GTF2H4: variants seen among roughly 807,000 people sequenced by gnomAD.
The protein encoded by GTF2H4 is general transcription factor IIH subunit 4, also known as BTF2 p52.
A neutral mutation model predicts 62.2 loss-of-function variants in GTF2H4; 49 were observed. The observed-to-expected ratio is 0.79, with a 90% CI of 0.63 to 1.00. GTF2H4 has a LOEUF of 1.00. Ranked by LOEUF, GTF2H4 falls within the 50% of genes least tolerant of loss-of-function variation. GTF2H4 has a pLI of 0.00. For missense variants in GTF2H4, 479 were observed against 587.8 expected (o/e 0.81, Z 1.91); for synonymous variants, 189 against 233.8 (o/e 0.81, Z 1.75).
In GTF2H4 at chr6:30,911,507, G is replaced by A; in HGVS notation, c.741+8G>A. On this transcript the variant is annotated splice_region_variant and intron_variant, in intron 8 of 13. Transcript: ENST00000259895. The surrounding 1 kb of genome is among the most constrained non-coding windows in gnomAD (Gnocchi z 4.3). ...TTCTCTACTCTGGGCAAGGTAAGCA[G>A]GGGGCTGAAAGGTATAGAGATGGGA... 1 of 1,612,640 alleles carries A rather than the reference G, an allele frequency of 6.2e-7. No individual in the cohort carries two copies. The highest frequency in any genetic ancestry group is 8.5e-7 in the Non-Finnish European group (1 of 1,178,594).
Position 30,910,888 on chromosome 6 carries a change from A to G in GTF2H4, c.507A>G (p.Ala169=). Residue 169 remains alanine (A), a synonymous_variant, in exon 6 of 14, where the codon GCA becomes GCG. Coordinates refer to ENST00000259895, the MANE Select transcript of GTF2H4 (RefSeq NM_001517.5). The surrounding 1 kb of genome is among the most constrained non-coding windows in gnomAD (Gnocchi z 4.7). Reference sequence around the variant, plus strand: ...ACTTCATGGTGGGCTCCCCCAGTGCAGCTGTCAGCCAGGACTTGGCTCAGC... The same window carrying G: ...ACTTCATGGTGGGCTCCCCCAGTGCGGCTGTCAGCCAGGACTTGGCTCAGC... ...VLHFMVGSPS[A]AVSQDLAQLL... is the part of the protein sequence containing the mutation. 3 of 1,612,298 alleles carry G rather than the reference A, an allele frequency of 1.9e-6. No homozygotes were observed. Among genetic ancestry groups the G allele is most frequent in the South Asian group, 1.1e-5 (1 of 90,936 alleles).
chr6:30,911,809 G>A lies in GTF2H4; in HGVS notation c.825+42G>A, dbSNP rs1324862911. ...AAGTGGCTTCCAGGGAAGAAACAGG[G>A]TGGTGTGTTGCCTTTGCCTTTAAAA... is the stretch of plus-strand genomic sequence containing the variant. On this transcript the variant is annotated intron_variant, in intron 9 of 13. Coordinates refer to ENST00000259895, the MANE Select transcript of GTF2H4 (RefSeq NM_001517.5). This position sits in a 1 kb window ranked among gnomAD's most constrained non-coding sequence, Gnocchi z 4.3. 6.4e-7 allele frequency: 1 copy of A among 1,552,116 alleles called. No individual in the cohort carries two copies. Among genetic ancestry groups the A allele is most frequent in the South Asian group, 1.1e-5 (1 of 89,808 alleles).
Position 30,909,320 on chromosome 6 carries a change from C to A in GTF2H4, c.138-115C>A. The A allele has an allele frequency of 8.2e-7, 1 of 1,220,914 alleles. No homozygotes were observed. Among genetic ancestry groups the A allele is most frequent in the Non-Finnish European group, 1.2e-6 (1 of 862,012 alleles). The allele number at this position is 1,220,914 out of a possible 1,614,324, so 75.6% of individuals were successfully genotyped here. On this transcript the variant is annotated intron_variant, in intron 2 of 13. Coordinates refer to ENST00000259895, the MANE Select transcript of GTF2H4 (RefSeq NM_001517.5). This position sits in a 1 kb window ranked among gnomAD's most constrained non-coding sequence, Gnocchi z 4.3. ...CTCTAAAGTGTGGAGGCCAAAACAG[C>A]AGGACTGGTAAAGTTGTGCTGGAGT...
Position 30,911,942 on chromosome 6 carries a change from C to A in GTF2H4, c.826-72C>A. ...TGAGGTTCTGCATCTTGGGAGGGAT[C>A]TGATATTTCAGGCAGGAAGATGTAA... is the stretch of plus-strand genomic sequence containing the variant. On this transcript the variant is annotated intron_variant, in intron 9 of 13. Coordinates refer to ENST00000259895, the MANE Select transcript of GTF2H4 (RefSeq NM_001517.5). This position sits in a 1 kb window ranked among gnomAD's most constrained non-coding sequence, Gnocchi z 4.3. 1 of 1,566,080 alleles carries A rather than the reference C, an allele frequency of 6.4e-7. No individual in the cohort carries two copies. Among genetic ancestry groups the A allele is most frequent in the Non-Finnish European group, 8.7e-7 (1 of 1,148,026 alleles).
At position 30,910,989 on chromosome 6, in the gene GTF2H4, G is replaced by A. The variant is rs1481809257; in HGVS notation, c.560+48G>A. The A allele has an allele frequency of 6.7e-7, 1 of 1,490,500 alleles. No individual in the cohort carries two copies. The highest frequency in any genetic ancestry group is 9.2e-7 in the Non-Finnish European group (1 of 1,084,608). The allele number at this position is 1,490,500 out of a possible 1,614,324, so 92.3% of individuals were successfully genotyped here. On this transcript the variant is annotated intron_variant, in intron 6 of 13. Transcript: ENST00000259895. This position sits in a 1 kb window ranked among gnomAD's most constrained non-coding sequence, Gnocchi z 4.7. ...AGCTCTCTGCTGTGCCATCTCCTTGGGTCCCTAAGAAATGGTATCTGGGGC... is the reference window on the plus strand; with the variant it reads ...AGCTCTCTGCTGTGCCATCTCCTTGAGTCCCTAAGAAATGGTATCTGGGGC...
In GTF2H4 at chr6:30,914,022, T is replaced by TTGG; in HGVS notation, c.*39_*40insTGG. On this transcript the variant is annotated 3_prime_UTR_variant, in exon 14 of 14. Coordinates refer to ENST00000259895, the MANE Select transcript of GTF2H4 (RefSeq NM_001517.5). ...GGACACGGACCTCGGCGGGCGGGACTGGGCGGGGCGGGGCATCAGAACTCA... is the reference window on the plus strand; with the variant it reads ...GGACACGGACCTCGGCGGGCGGGACTTGGGGGCGGGGCGGGGCATCAGAACTCA... 1 of 698,682 alleles carries TTGG rather than the reference T, an allele frequency of 1.4e-6. No individual in the cohort carries two copies. Among genetic ancestry groups the TTGG allele is most frequent in the Non-Finnish European group, 2.4e-6 (1 of 411,942 alleles). 43.3% of individuals were successfully genotyped at this position (698,682 alleles called of 1,614,324 possible). A position where few individuals can be genotyped will look rare whatever the true frequency, so the allele number is the denominator to read the frequency against.
chr6:30,913,403 T>G lies in GTF2H4; in HGVS notation c.1216+16T>G. The G allele has an allele frequency of 6.8e-6, 11 of 1,611,438 alleles. No individual in the cohort carries two copies. Among genetic ancestry groups the G allele is most frequent in the Non-Finnish European group, 6.8e-6 (8 of 1,179,432 alleles). On this transcript the variant is annotated intron_variant, in intron 13 of 13. Coordinates refer to ENST00000259895, the MANE Select transcript of GTF2H4 (RefSeq NM_001517.5). The surrounding 1 kb of genome is among the most constrained non-coding windows in gnomAD (Gnocchi z 4.2). ...TTCACTGAGGGTGAGTAGCTTCTGG[T>G]GGCCAAGTCTTGGTCATTGGCCAGA...
At position 30,913,040 on chromosome 6, in the gene GTF2H4, A is replaced by T. The variant is rs1793861062; in HGVS notation, c.1090-70A>T. ...AATAAGCTGATGTTCCAGTGACATT[A>T]GGTGACAGCTCAGATGGCTTTCCTG... On this transcript the variant is annotated intron_variant, in intron 11 of 13. Transcript: ENST00000259895. The surrounding 1 kb of genome is among the most constrained non-coding windows in gnomAD (Gnocchi z 4.2). 2.8e-6 allele frequency: 4 copies of T among 1,448,322 alleles called. No individual in the cohort carries two copies. Among genetic ancestry groups the T allele is most frequent in the Admixed American group, 3.4e-5 (2 of 58,622 alleles). 89.7% of individuals were successfully genotyped at this position (1,448,322 alleles called of 1,614,324 possible). A position where few individuals can be genotyped will look rare whatever the true frequency, so the allele number is the denominator to read the frequency against.
chr6:30,912,417 A>C lies in GTF2H4; in HGVS notation c.1048A>C (p.Ser350Arg). ...GGTGGTGGCGCAGGTGACCCGGGAGAGTGTGCAGCAGGCAATCGCCAGTGG... is the reference window on the plus strand; with the variant it reads ...GGTGGTGGCGCAGGTGACCCGGGAGCGTGTGCAGCAGGCAATCGCCAGTGG... Reference protein sequence around the residue: ...NMVVAQVTRESVQQAIASGIT... With the variant: ...NMVVAQVTRERVQQAIASGIT... The change falls in exon 11 of 14, where the codon AGT becomes CGT. Residue 350 changes from serine to arginine, a missense_variant. Coordinates refer to ENST00000259895, the MANE Select transcript of GTF2H4 (RefSeq NM_001517.5). This position sits in a 1 kb window ranked among gnomAD's most constrained non-coding sequence, Gnocchi z 4.8. 1.2e-6 allele frequency: 2 copies of C among 1,612,764 alleles called. No individual in the cohort carries two copies. The highest frequency in any genetic ancestry group is 1.7e-6 in the Non-Finnish European group (2 of 1,180,012).
In GTF2H4 at chr6:30,913,162, A is replaced by G; in HGVS notation, c.1137+5A>G. ...CACCCAGTGATGCTCAAACAGGTAT[A>G]GACAGGCTCCAAGATGTCAGAGGCT... On this transcript the variant is annotated splice_donor_5th_base_variant and intron_variant, in intron 12 of 13. Coordinates refer to ENST00000259895, the MANE Select transcript of GTF2H4 (RefSeq NM_001517.5). This position sits in a 1 kb window ranked among gnomAD's most constrained non-coding sequence, Gnocchi z 4.2. 1.2e-6 allele frequency: 2 copies of G among 1,614,150 alleles called. No homozygotes were observed. Among genetic ancestry groups the G allele is most frequent in the Non-Finnish European group, 1.7e-6 (2 of 1,179,978 alleles).
Position 30,910,707 on chromosome 6 carries a change from C to G in GTF2H4, c.417C>G (p.Asp139Glu), listed in dbSNP as rs375416304. The change falls in exon 5 of 14, where the codon GAC becomes GAG. Residue 139 changes from aspartate to glutamate, a missense_variant. Transcript: ENST00000259895. The surrounding 1 kb of genome is among the most constrained non-coding windows in gnomAD (Gnocchi z 4.7). ...ATGACACAAGTCAGCTGGGACCAGA[C>G]AAGCATGCCCGGGACGTTCCCTCCC... is the stretch of plus-strand genomic sequence containing the variant. ...WSDDTSQLGP[D>E]KHARDVPSLD... 3 of 1,613,026 alleles carry G rather than the reference C, an allele frequency of 1.9e-6. No individual in the cohort carries two copies. The highest frequency in any genetic ancestry group is 2.5e-6 in the Non-Finnish European group (3 of 1,180,020).
chr6:30,913,190 C>T lies in GTF2H4; in HGVS notation c.1137+33C>T. 1.2e-6 allele frequency: 2 copies of T among 1,613,812 alleles called. No individual in the cohort carries two copies. Among genetic ancestry groups the T allele is most frequent in the Non-Finnish European group, 1.7e-6 (2 of 1,179,802 alleles). Reference sequence around the variant, plus strand: ...CAGGCTCCAAGATGTCAGAGGCTGGCAGCTGGTGATGACATGATGGAAAAG... The same window carrying T: ...CAGGCTCCAAGATGTCAGAGGCTGGTAGCTGGTGATGACATGATGGAAAAG... On this transcript the variant is annotated intron_variant, in intron 12 of 13. Coordinates refer to ENST00000259895, the MANE Select transcript of GTF2H4 (RefSeq NM_001517.5). This position sits in a 1 kb window ranked among gnomAD's most constrained non-coding sequence, Gnocchi z 4.2.
chr6:30,910,944 G>A lies in GTF2H4; in HGVS notation c.560+3G>A. The A allele has an allele frequency of 6.3e-7, 1 of 1,597,156 alleles. No homozygotes were observed. Among genetic ancestry groups the A allele is most frequent in the Non-Finnish European group, 8.5e-7 (1 of 1,171,338 alleles). Reference sequence around the variant, plus strand: ...AGCCAGGCTGGGCTCATGAAGAGGTGAGGAAGCCGGAGGTACAGCAGCTCT... The same window carrying A: ...AGCCAGGCTGGGCTCATGAAGAGGTAAGGAAGCCGGAGGTACAGCAGCTCT... On this transcript the variant is annotated splice_donor_region_variant and intron_variant, in intron 6 of 13. Coordinates refer to ENST00000259895, the MANE Select transcript of GTF2H4 (RefSeq NM_001517.5). The surrounding 1 kb of genome is among the most constrained non-coding windows in gnomAD (Gnocchi z 4.7).
In GTF2H4 at chr6:30,913,280, T is replaced by G; in HGVS notation, c.1138-29T>G. On this transcript the variant is annotated intron_variant, in intron 12 of 13. Coordinates refer to ENST00000259895, the MANE Select transcript of GTF2H4 (RefSeq NM_001517.5). The surrounding 1 kb of genome is among the most constrained non-coding windows in gnomAD (Gnocchi z 4.2). The stretch of plus-strand genomic sequence containing the variant: ...GGGTTGTCTGGGGCAGTATTCTGAG[T>G]CCCTACAGTCAACCCTTGCTCCTTG... The G allele has an allele frequency of 8.1e-6, 13 of 1,613,552 alleles. No homozygotes were observed. Among genetic ancestry groups the G allele is most frequent in the Non-Finnish European group, 1.1e-5 (13 of 1,179,712 alleles).
Position 30,909,963 on chromosome 6 carries a change from G to A in GTF2H4, c.274G>A (p.Gly92Ser), listed in dbSNP as rs774016030. The change falls in exon 4 of 14, where the codon GGC (glycine) becomes AGC (serine). Residue 92 changes from glycine to serine, a missense_variant. By Grantham distance (56) the Gly-to-Ser change is moderately conservative. Transcript: ENST00000259895. The surrounding 1 kb of genome is among the most constrained non-coding windows in gnomAD (Gnocchi z 4.3). ...GGAGGAAAGTACAGGGCTGCTGAGC[G>A]GCCTCCGGATCTGGCACACACAGCT... is the stretch of plus-strand genomic sequence containing the variant. ...AQEESTGLLS[G>S]LRIWHTQLLP... 45 of 1,612,944 alleles carry A rather than the reference G, an allele frequency of 2.8e-5. No individual in the cohort carries two copies. In the South Asian group the frequency reaches 3.4e-4, roughly 12 times the overall value.
chr6:30,909,460 TG>T lies in GTF2H4; in HGVS notation c.166del (p.Val56Ter). 1 of 1,612,642 alleles carries T rather than the reference TG, an allele frequency of 6.2e-7. No homozygotes were observed. The highest frequency in any genetic ancestry group is 8.5e-7 in the Non-Finnish European group (1 of 1,179,674). On this transcript the variant is annotated frameshift_variant, in exon 3 of 14. Coordinates refer to ENST00000259895, the MANE Select transcript of GTF2H4 (RefSeq NM_001517.5). LOFTEE classifies it high-confidence loss of function. This position sits in a 1 kb window ranked among gnomAD's most constrained non-coding sequence, Gnocchi z 4.3. ...FRELPSLAKN[W>X]VMRMLFLEQP... The stretch of plus-strand genomic sequence containing the variant: ...GGAGCTCCCATCCTTGGCTAAGAAC[TG>T]GGTGATGCGGATGCTCTTTCTGGAG...
At position 30,909,398 on chromosome 6, in the gene GTF2H4, C is replaced by T. The variant is rs780514850; in HGVS notation, c.138-37C>T. ...GGGCAGAGATGCAGATACAATGCAGCTTCTGATACTAACCTTTGACCTCTG... is the reference window on the plus strand; with the variant it reads ...GGGCAGAGATGCAGATACAATGCAGTTTCTGATACTAACCTTTGACCTCTG... On this transcript the variant is annotated intron_variant, in intron 2 of 13. Transcript: ENST00000259895. The surrounding 1 kb of genome is among the most constrained non-coding windows in gnomAD (Gnocchi z 4.3). 2 of 1,412,592 alleles carry T rather than the reference C, an allele frequency of 1.4e-6. No individual in the cohort carries two copies. The highest frequency in any genetic ancestry group is 2.3e-5 in the South Asian group (2 of 85,984). 87.5% of individuals were successfully genotyped at this position (1,412,592 alleles called of 1,614,324 possible).
rs185887605 is a variant in GTF2H4 at position 30,912,287 on chromosome 6, G to T, written c.959-41G>T. On this transcript the variant is annotated intron_variant, in intron 10 of 13. Transcript: ENST00000259895. The surrounding 1 kb of genome is among the most constrained non-coding windows in gnomAD (Gnocchi z 4.8). ...AAGAAGGGCTTGAGGGAGTCTGGGT[G>T]TGGGGGTGGCCTCCTCATCCTCTTT... The T allele has an allele frequency of 1.3e-4, 205 of 1,610,770 alleles. No individual in the cohort carries two copies. In the East Asian group the frequency reaches 3.7e-3, roughly 29 times the overall value.
In GTF2H4 at chr6:30,913,229, C is replaced by T; in HGVS notation, c.1137+72C>T. Reference sequence around the variant, plus strand: ...ATGATGGAAAAGAAAAAGGGGCATCCAAATCTGGGGAAGAAACAGAGGGCC... The same window carrying T: ...ATGATGGAAAAGAAAAAGGGGCATCTAAATCTGGGGAAGAAACAGAGGGCC... On this transcript the variant is annotated intron_variant, in intron 12 of 13. Coordinates refer to ENST00000259895, the MANE Select transcript of GTF2H4 (RefSeq NM_001517.5). This position sits in a 1 kb window ranked among gnomAD's most constrained non-coding sequence, Gnocchi z 4.2. The T allele has an allele frequency of 1.2e-6, 2 of 1,612,172 alleles. No homozygotes were observed. The highest frequency in any genetic ancestry group is 1.1e-5 in the South Asian group (1 of 90,988).
Sources: allele counts gnomAD v4.1 joint callset, GRCh38; gene constraint gnomAD v4.1.1; non-coding constraint Gnocchi (gnomAD v3.1); transcripts MANE v1.5; gene names NCBI Gene and HGNC (gene_info 2026-07-23, HGNC 2026-07-21).